Variants in SGPP2 observed in about 807,000 individuals in gnomAD.
SGPP2 encodes sphingosine 1-phosphate phosphohydrolase 2.
SGPP2 carries 30 observed loss-of-function variants against 33.9 expected under a neutral mutation model. The observed-to-expected ratio is 0.89, with a 90% CI of 0.66 to 1.20. SGPP2 has a LOEUF of 1.20. Among genes scored for constraint, SGPP2 ranks in the 50% most tolerant of loss-of-function variants. The probability of loss-of-function intolerance (pLI) is 0.00; values close to 1 mark genes in which losing one functional copy is unlikely to be tolerated. For missense variants in SGPP2, 458 were observed against 532.1 expected, an observed-to-expected ratio of 0.86 and a Z score of 1.37; for synonymous variants, 233 against 225.0, an observed-to-expected ratio of 1.04 and a Z score of -0.32.
intron 2 of SGPP2, among the ~76,000 whole-genome samples, chr2:222,511,279 T>C (rs1028290436): frequency 1.1e-4 from 16 of 152,190 alleles, no homozygotes; most frequent in Non-Finnish European, 2.9e-5. Context: ...CTGGGGTGAA[T>C]GGTCGACTAT....
At chr2:222,520,396 T>C (rs1055953676) in intron 2 of SGPP2, among the ~76,000 whole-genome samples, 2 of 152,118 alleles carry the variant, frequency 1.3e-5, no homozygotes, top group Non-Finnish European at 2.9e-5. Flanking sequence ...GGAGGGAGAA[T>C]ATGTCTTCGT....
intron 1 of SGPP2, among the ~76,000 whole-genome samples, chr2:222,454,629 G>A (rs1270638138): frequency 1.3e-5 from 2 of 151,790 alleles, no homozygotes; most frequent in African/African-American, 2.4e-5. Context: ...GAGCTTCTTA[G>A]ACTTGACAAG....
At chr2:222,551,533 T>A (rs190047094) in intron 4 of SGPP2, among the ~76,000 whole-genome samples, 91 of 152,338 alleles carry the variant, frequency 6.0e-4, no homozygotes, top group African/African-American at 2.1e-3. Flanking sequence ...AATAATTTTA[T>A]TATAAGAAAT....
At chr2:222,494,956 C>T (rs534581070) in intron 2 of SGPP2, among the ~76,000 whole-genome samples, 16 of 152,190 alleles carry the variant, frequency 1.1e-4, no homozygotes, top group South Asian at 2.1e-4. Flanking sequence ...TGATTGAACC[C>T]GGGAGGTGGA....
intron 2 of SGPP2, among the ~76,000 whole-genome samples, chr2:222,518,104 T>C (rs1698633151): frequency 6.6e-6 from 1 of 152,260 alleles, no homozygotes; most frequent in Non-Finnish European, 1.5e-5. Flanking sequence ...TACAACCTTC[T>C]GAGAGTGATA....
At position 222,550,060 on chromosome 2, in the gene SGPP2, G is replaced by A. The variant is rs759910794; in HGVS notation, c.649-8287G>A. ...TCTGGTTAATTTTTTTGTATTTTTTGGTAGAGACAGGGTTTCACCATATTG... is the reference window on the plus strand; with the variant it reads ...TCTGGTTAATTTTTTTGTATTTTTTAGTAGAGACAGGGTTTCACCATATTG... On this transcript the variant is annotated intron_variant, in intron 4 of 4. Transcript: ENST00000321276. The surrounding 1 kb of genome is among the most constrained non-coding windows in gnomAD (Gnocchi z 4.5). Among the ~76,000 whole-genome samples the A allele has an allele frequency of 3.5e-4, 53 of 151,676 alleles. No individual in the cohort carries two copies. The highest frequency in any genetic ancestry group is 1.5e-3 in the Admixed American group (23 of 15,216).
intron 2 of SGPP2, among the ~76,000 whole-genome samples, chr2:222,495,277 G>A (rs1369223894): frequency 6.6e-6 from 1 of 152,000 alleles, no homozygotes; most frequent in African/African-American, 2.4e-5. Flanking sequence ...AGTCAGGTGT[G>A]GTGGCATGTG....
intron 2 of SGPP2, among the ~76,000 whole-genome samples, chr2:222,484,235 C>A (rs191988693): frequency 1.3e-5 from 2 of 152,078 alleles, no homozygotes; most frequent in African/African-American, 2.4e-5. Context: ...GACTGGAAAA[C>A]GTGCTCACAT....
chr2:222,499,596 G>C lies in SGPP2; in HGVS notation c.379-22171G>C, dbSNP rs142040745. Among the ~76,000 whole-genome samples the C allele has an allele frequency of 3.9e-5, 6 of 152,262 alleles. No homozygotes were observed. In the East Asian group the frequency reaches 1.2e-3, roughly 29 times the overall value. ...AGGAGGAGGAAGCAGAAAAGAGGAC[G>C]TGTTGGGGGAAACACAAGTTGGGGC... On this transcript the variant is annotated intron_variant, in intron 2 of 4. Transcript: ENST00000321276.
intron 2 of SGPP2, among the ~76,000 whole-genome samples, chr2:222,506,023 A>G (rs1426787471): frequency 6.6e-6 from 1 of 152,128 alleles, no homozygotes; most frequent in East Asian, 1.9e-4. Flanking sequence ...GTCACAGTTT[A>G]GGGAAATTAA....
At chr2:222,497,538 C>T (rs922767162) in intron 2 of SGPP2, among the ~76,000 whole-genome samples, 2 of 152,126 alleles carry the variant, frequency 1.3e-5, no homozygotes, top group African/African-American at 2.4e-5. Flanking sequence ...CGAGCCACCG[C>T]ACCTAGCAGA....
chr2:222,534,391 T>C (rs1698882961), intron 4 of SGPP2, among the ~76,000 whole-genome samples: 1 of 152,250 alleles, frequency 6.6e-6, no homozygotes, highest in South Asian at 2.1e-4. Flanking sequence ...TATTTTATTG[T>C]CCCTAAATTG....
rs532355541 is a variant in SGPP2 at position 222,470,738 on chromosome 2, T to C, written c.220-3830T>C. ...GGCTTTTGTTAGAGTTCGGCAAAAT[T>C]TATCCTTGTAAAGCTTCAAGGCTGG... is the stretch of plus-strand genomic sequence containing the variant. On this transcript the variant is annotated intron_variant, in intron 1 of 4. Transcript: ENST00000321276. Among the ~76,000 whole-genome samples the C allele has an allele frequency of 2.6e-5, 4 of 152,342 alleles. 1 individual carries two copies. The highest frequency in any genetic ancestry group is 9.6e-5 in the African/African-American group (4 of 41,574).
At chr2:222,481,691 C>T (rs915528055) in intron 2 of SGPP2, among the ~76,000 whole-genome samples, 2 of 152,140 alleles carry the variant, frequency 1.3e-5, no homozygotes, top group Non-Finnish European at 1.5e-5. Context: ...CTCCTGTCCT[C>T]GGGCACTTAA....
At position 222,562,470 on chromosome 2, in the gene SGPP2, G is replaced by A. The variant is rs1414332761; in HGVS notation, c.*3572G>A. ...CAAATAGGCAACTCATGCTTCCTGA[G>A]TGTAATCAAAGCATGTGGTGTTTTG... On this transcript the variant is annotated 3_prime_UTR_variant, in exon 5 of 5. Transcript: ENST00000321276. 6.6e-6 allele frequency among the ~76,000 whole-genome samples: 1 copy of A among 152,170 alleles called. No individual in the cohort carries two copies. The highest frequency in any genetic ancestry group is 1.5e-5 in the Non-Finnish European group (1 of 68,040).
chr2:222,484,341 T>G (rs1411521626), intron 2 of SGPP2, among the ~76,000 whole-genome samples: 1 of 152,198 alleles, frequency 6.6e-6, no homozygotes, highest in Non-Finnish European at 1.5e-5. Flanking sequence ...CTGTCCCAGA[T>G]AGAGCCCGTT....
chr2:222,438,667 G>GATTA (rs1231767026), intron 1 of SGPP2, among the ~76,000 whole-genome samples: 1 of 152,220 alleles, frequency 6.6e-6, no homozygotes, highest in African/African-American at 2.4e-5. Context: ...GTCACCACTT[G>GATTA]ATTAATCTTA....
intron 2 of SGPP2, among the ~76,000 whole-genome samples, chr2:222,519,848 T>C (rs1335943149): frequency 6.6e-6 from 1 of 152,214 alleles, no homozygotes; most frequent in Non-Finnish European, 1.5e-5. Context: ...CATGATTTTG[T>C]TCTTTTTTAT....
chr2:222,500,802 T>A (rs149166919), intron 2 of SGPP2, among the ~76,000 whole-genome samples: 1 of 152,346 alleles, frequency 6.6e-6, no homozygotes, highest in African/African-American at 2.4e-5. Context: ...GCTCTCCATT[T>A]CCTTCCAAGC....
Sources: allele counts gnomAD v4.1 joint callset (sites outside exome capture counted in the v4.1 genomes callset), GRCh38; gene constraint gnomAD v4.1.1; non-coding constraint Gnocchi (gnomAD v3.1); transcripts MANE v1.5; gene names NCBI Gene and HGNC (gene_info 2026-07-23, HGNC 2026-07-21).